The following PSMG4 variants were observed in gnomAD, a reference collection of about 807,000 sequenced individuals.
The protein encoded by PSMG4 is proteasome (prosome, macropain) assembly chaperone 4.
In PSMG4, 10 loss-of-function variants were observed where a neutral mutation model predicts 11.0. The observed-to-expected ratio is 0.91, with a 90% CI of 0.56 to 1.54. The LOEUF is 1.54. PSMG4 is among the 40% of genes most tolerant of loss of function. The pLI is 0.00. For missense variants in PSMG4, 198 were observed against 160.9 expected (o/e 1.23, Z -1.25); for synonymous variants, 95 against 71.3 (o/e 1.33, Z -1.68).
chr6:3,261,586 CAG>C (rs888069790), intron 1 of PSMG4, among the ~76,000 whole-genome samples: 2 of 152,202 alleles, frequency 1.3e-5, no homozygotes, highest in South Asian at 4.1e-4. Context: ...GGAAAAGGAA[CAG>C]GGGATTGATT....
At position 3,267,900 on chromosome 6, in the gene PSMG4, G is replaced by A; in HGVS notation, c.*188G>A. The stretch of plus-strand genomic sequence containing the variant: ...ACCCACCTGGTGAAGGAGAGGCAAA[G>A]TGGGCAGTATATACTTCCTCATTTG... On this transcript the variant is annotated 3_prime_UTR_variant, in exon 3 of 3. Transcript: ENST00000438998. The A allele has an allele frequency of 1.8e-6, 1 of 544,684 alleles. No homozygotes were observed. The highest frequency in any genetic ancestry group is 3.2e-5 in the East Asian group (1 of 30,776). 33.7% of individuals were successfully genotyped at this position (544,684 alleles called of 1,614,324 possible).
Position 3,262,806 on chromosome 6 carries a change from C to T in PSMG4, c.175-878C>T, listed in dbSNP as rs1191526603. 1.1e-4 allele frequency among the ~76,000 whole-genome samples: 10 copies of T among 91,472 alleles called. No homozygotes were observed. The East Asian group carries it at 3.0e-3, about 27-fold the overall frequency. 60.0% of individuals were successfully genotyped at this position (91,472 alleles called of 152,430 possible). On this transcript the variant is annotated intron_variant, in intron 1 of 2. Transcript: ENST00000438998. ...TACCAATAAGTGTTTTTTTTTTCCCCCTTTGGAAGCTAGACCTTCTTACTT... is the reference window on the plus strand; with the variant it reads ...TACCAATAAGTGTTTTTTTTTTCCCTCTTTGGAAGCTAGACCTTCTTACTT...
Position 3,263,753 on chromosome 6 carries a change from C to A in PSMG4, c.244C>A (p.Arg82Ser). ...SDTTSTGLAQ[R>S]LARKTNKQVF... ...CACGACCTCTACTGGCCTTGCCCAG[C>A]GCCTAGGTATGTACCCACAGCTGGC... The change falls in exon 2 of 3, where the codon CGC becomes AGC. Residue 82 changes from arginine (R) to serine (S), a missense_variant. Arg to Ser is a moderately radical substitution (Grantham distance 110). Coordinates refer to ENST00000438998, the MANE Select transcript of PSMG4 (RefSeq NM_001128591.2). 6.4e-7 allele frequency: 1 copy of A among 1,551,336 alleles called. No individual in the cohort carries two copies.
At chr6:3,263,946 A>G in intron 2 of PSMG4, 187 bp downstream of exon 2, 2 of 1,388,130 alleles carry the variant, frequency 1.4e-6, no homozygotes, top group Non-Finnish European at 9.6e-7. Flanking sequence ...CTCGCCTGTC[A>G]TCACCACCGT....
At chr6:3,263,843 T>G (rs1175627365) in intron 2 of PSMG4, 84 bp downstream of exon 2, 1 of 1,505,418 alleles carries the variant, frequency 6.6e-7, no homozygotes, top group South Asian at 1.3e-5. Flanking sequence ...CCTTCGGAAG[T>G]AAAGCATCTT....
chr6:3,261,122 G>A (rs1757974642), intron 1 of PSMG4, among the ~76,000 whole-genome samples: 1 of 152,262 alleles, frequency 6.6e-6, no homozygotes, highest in Middle Eastern at 3.2e-3. Flanking sequence ...GACTGAGGGT[G>A]CTGGGGGCAG....
intron 2 of PSMG4, chr6:3,264,268 G>C (rs4959787): frequency 0.79 from 1,220,005 of 1,550,904 alleles, 489,752 homozygotes; most frequent in Non-Finnish European, 0.83. Context: ...ATTAAGCAAA[G>C]GTCATGAGGC....
chr6:3,259,559 GC>G, intron 1 of PSMG4, among the ~76,000 whole-genome samples: 1 of 152,322 alleles, frequency 6.6e-6, no homozygotes, highest in Middle Eastern at 3.4e-3. Flanking sequence ...GGGGACTCTT[GC>G]GTCTCCACTG....
At chr6:3,267,349 G>A in intron 2 of PSMG4, 1 of 336,174 alleles carries the variant, frequency 3.0e-6, no homozygotes, top group Admixed American at 4.2e-5. Context: ...AAGTTCCAGG[G>A]AGGCTGCTGA....
chr6:3,263,985 C>T (rs1348403768), intron 2 of PSMG4: 1 of 1,310,090 alleles, frequency 7.6e-7, no homozygotes, highest in Admixed American at 2.9e-5. Flanking sequence ...CCAAAGGACT[C>T]CCACCTCGTC....
At chr6:3,256,585 C>T (rs919286272), upstream of PSMG4, among the ~76,000 whole-genome samples, 7 of 152,122 alleles carry the variant, frequency 4.6e-5, no homozygotes, top group Non-Finnish European at 7.3e-5. Context: ...TTGTTGGGTT[C>T]CAGGCCCAGG....
upstream of PSMG4, chr6:3,255,294 T>A (rs554174348): frequency 1.0e-5 from 16 of 1,526,754 alleles, no homozygotes; most frequent in African/African-American, 2.1e-4. Context: ...TCGGTGCCCA[T>A]CCTGGGAGAG....
chr6:3,254,423 T>G (rs140735131), upstream of PSMG4, among the ~76,000 whole-genome samples: 532 of 149,440 alleles, frequency 3.6e-3, 3 homozygotes, highest in South Asian at 0.032. Context: ...TCTGAGGAGG[T>G]ATGGCTTTGT....
At chr6:3,260,287 ATATATT>A (rs1438634716) in intron 1 of PSMG4, among the ~76,000 whole-genome samples, 9 of 10,762 alleles carry the variant, frequency 8.4e-4, no homozygotes, top group African/African-American at 2.1e-3. Context: ...GTATATATAT[ATATATT>A]TTTTTTTTTT....
upstream of PSMG4, among the ~76,000 whole-genome samples, chr6:3,255,453 A>C (rs1561837214): frequency 3.8e-5 from 3 of 79,692 alleles, no homozygotes; most frequent in Non-Finnish European, 4.6e-5. Flanking sequence ...TCAGACCACC[A>C]CCTCTTTTAT....
At chr6:3,255,045 G>C (rs773139004), upstream of PSMG4, 8 of 1,550,482 alleles carry the variant, frequency 5.2e-6, no homozygotes, top group East Asian at 2.4e-5. Flanking sequence ...CTGATTCTCT[G>C]GACAGGAACA....
Position 3,259,040 on chromosome 6 carries a change from C to T in PSMG4, c.18C>T (p.Val6=), listed in dbSNP as rs187112756. ...GGGGCGGCATGGAGGGGCTGGTTGT[C>T]GCCGCCGGCGGGGACGTCTCCCTGC... MEGLV[V]AAGGDVSLHN... Residue 6 remains valine, a synonymous_variant, in exon 1 of 3, where the codon GTC becomes GTT. Transcript: ENST00000438998. 12 of 1,250,912 alleles carry T rather than the reference C, an allele frequency of 9.6e-6. No individual in the cohort carries two copies. The highest frequency in any genetic ancestry group is 1.2e-5 in the Non-Finnish European group (12 of 996,492). The allele number at this position is 1,250,912 out of a possible 1,614,324, so 77.5% of individuals were successfully genotyped here. A position where few individuals can be genotyped will look rare whatever the true frequency, so the allele number is the denominator to read the frequency against.
At chr6:3,254,531 T>G (rs1475740414), upstream of PSMG4, among the ~76,000 whole-genome samples, 1 of 152,070 alleles carries the variant, frequency 6.6e-6, no homozygotes, top group African/African-American at 2.4e-5. Context: ...CTGTAACAAT[T>G]ATCTGGAAGG....
chr6:3,255,173 A>C (rs924296627), upstream of PSMG4: 2 of 1,550,758 alleles, frequency 1.3e-6, no homozygotes, highest in Non-Finnish European at 1.7e-6. Context: ...GACGGCTTAC[A>C]TGTGCGCTCT....
Sources: gnomAD v4.1 joint callset for allele counts (sites outside exome capture counted in the v4.1 genomes callset) on GRCh38, gnomAD v4.1.1 for gene constraint, MANE v1.5 for transcripts, NCBI Gene and HGNC (gene_info 2026-07-23, HGNC 2026-07-21) for gene names.